The following ARID2 variants were observed in gnomAD, a reference collection of about 807,000 sequenced individuals.
ARID2 encodes AT-rich interactive domain-containing protein 2.
ARID2 carries 32 observed loss-of-function variants against 184.6 expected under a neutral mutation model. The ratio of observed to expected loss-of-function variants is 0.17; its 90% confidence interval spans 0.13 to 0.23. The LOEUF (loss-of-function observed/expected upper bound fraction) is 0.23. Ranked by LOEUF, ARID2 falls within the 10% of genes least tolerant of loss-of-function variation. ARID2 has a pLI of 1.00. For missense variants in ARID2, 1,696 were observed against 2,197.6 expected (o/e 0.77, Z 4.56); for synonymous variants, 836 against 772.6 (o/e 1.08, Z -1.36).
chr12:45,749,895 G>A (rs1941427353), intron 3 of ARID2, among the ~76,000 whole-genome samples: 1 of 152,176 alleles, frequency 6.6e-6, no homozygotes. Flanking sequence ...TTAAAGGAAT[G>A]TCTGGCTGGT....
At chr12:45,844,875 T>C (rs1943413833) in intron 11 of ARID2, among the ~76,000 whole-genome samples, 1 of 152,166 alleles carries the variant, frequency 6.6e-6, no homozygotes, top group African/African-American at 2.4e-5. Flanking sequence ...CTATCAAAGA[T>C]GGGTGAGAAT....
intron 6 of ARID2, among the ~76,000 whole-genome samples, chr12:45,826,976 C>G (rs888776232): frequency 2.0e-5 from 3 of 151,910 alleles, no homozygotes; most frequent in Non-Finnish European, 4.4e-5. Context: ...ATGGCTACTT[C>G]ATTCATATTA....
chr12:45,887,548 C>A (rs555344843), intron 16 of ARID2, among the ~76,000 whole-genome samples: 46 of 152,228 alleles, frequency 3.0e-4, no homozygotes, highest in African/African-American at 1.0e-3. Context: ...TAGGAAAAAA[C>A]CGGGTTCTTT....
rs1311644656 is a variant in ARID2, at chr12:45,851,077, C to G, written c.2954C>G (p.Pro985Arg). 1.2e-6 allele frequency: 2 copies of G among 1,614,054 alleles called. No homozygotes were observed. Among genetic ancestry groups the G allele is most frequent in the South Asian group, 2.2e-5 (2 of 91,084 alleles). The change falls in exon 15 of 21, where the codon CCT (proline) becomes CGT (arginine). Residue 985 changes from proline to arginine, a missense_variant. Transcript: ENST00000334344. The part of the protein sequence containing the change: ...SPVPATNNQV[P>R]TAMSSSSTPQ... ...GTCCCAGCTACTAATAACCAAGTCC[C>G]TACTGCCATGTCGTCGTCCTCTACC...
chr12:45,741,222 A>G (rs1051433181), intron 3 of ARID2, among the ~76,000 whole-genome samples: 9 of 151,974 alleles, frequency 5.9e-5, no homozygotes, highest in African/African-American at 1.9e-4. Context: ...ACTGGGTCTC[A>G]CTCTGTCTCA....
intron 16 of ARID2, among the ~76,000 whole-genome samples, chr12:45,876,426 T>C (rs764839942): frequency 1.3e-5 from 2 of 152,034 alleles, no homozygotes; most frequent in Non-Finnish European, 2.9e-5. Flanking sequence ...GGCACATGCC[T>C]GTAATCCCAG....
chr12:45,831,310 G>A (rs370446046), intron 6 of ARID2, among the ~76,000 whole-genome samples: 11 of 152,028 alleles, frequency 7.2e-5, no homozygotes, highest in African/African-American at 2.4e-4. Context: ...AATTTGATAT[G>A]TCATGCGTTC....
intron 16 of ARID2, among the ~76,000 whole-genome samples, chr12:45,865,441 A>G (rs1943816761): frequency 6.6e-6 from 1 of 151,956 alleles, no homozygotes. Flanking sequence ...CATTTGTAAA[A>G]GAAAACAAAG....
At chr12:45,743,221 T>C (rs1266507876) in intron 3 of ARID2, among the ~76,000 whole-genome samples, 1 of 151,738 alleles carries the variant, frequency 6.6e-6, no homozygotes, top group African/African-American at 2.4e-5. Context: ...ATACAAAAAT[T>C]AGCCAGGTGC....
Position 45,906,929 on chromosome 12 carries a change from C to T in ARID2, c.*1851C>T, listed in dbSNP as rs1351064342. 1 of 231,572 alleles carries T rather than the reference C, an allele frequency of 4.3e-6. No homozygotes were observed. The highest frequency in any genetic ancestry group is 2.2e-5 in the African/African-American group (1 of 45,204). 14.3% of individuals were successfully genotyped at this position (231,572 alleles called of 1,614,324 possible). A position where few individuals can be genotyped will look rare whatever the true frequency, so the allele number is the denominator to read the frequency against. On this transcript the variant is annotated 3_prime_UTR_variant, in exon 21 of 21. Transcript: ENST00000334344. ...CAAATCTTCAGCTTGAATTTGGAGG[C>T]AGATTCTTAGAGTGAAAAAGCCTCA...
intron 16 of ARID2, among the ~76,000 whole-genome samples, chr12:45,883,013 C>T (rs1944129667): frequency 6.6e-6 from 1 of 152,098 alleles, no homozygotes; most frequent in Non-Finnish European, 1.5e-5. Flanking sequence ...CGTCATCTTG[C>T]TGTTTCTAGG....
At chr12:45,884,682 A>C (rs980440692) in intron 16 of ARID2, among the ~76,000 whole-genome samples, 3 of 152,192 alleles carry the variant, frequency 2.0e-5, no homozygotes, top group African/African-American at 7.2e-5. Context: ...ATTAGGAGGA[A>C]AGGAAAGGAG....
chr12:45,904,653 T>C (rs192518881), intron 20 of ARID2, among the ~76,000 whole-genome samples: 1 of 129,702 alleles, frequency 7.7e-6, no homozygotes, highest in Non-Finnish European at 1.5e-5. Flanking sequence ...ATTGCGCCAT[T>C]ACACTCCAGC....
intron 20 of ARID2, among the ~76,000 whole-genome samples, chr12:45,901,132 CTATTTTTT>C (rs1944451322): frequency 2.1e-5 from 2 of 97,068 alleles, no homozygotes; most frequent in Non-Finnish European, 4.3e-5. Context: ...TCTGTTTAAT[CTATTTTTT>C]GGAAATTTCC....
chr12:45,851,970 A>G lies in ARID2; in HGVS notation c.3847A>G (p.Thr1283Ala), dbSNP rs1943559998. 1.9e-6 allele frequency: 3 copies of G among 1,613,930 alleles called. No individual in the cohort carries two copies. The highest frequency in any genetic ancestry group is 1.3e-5 in the African/African-American group (1 of 74,952). ...RGATNTSNGD[T>A]KENEMHVGSL... is the part of the protein sequence containing the mutation. The stretch of plus-strand genomic sequence containing the variant: ...AGCCACAAACACCAGCAATGGGGAT[A>G]CAAAGGAAAATGAAATGCATGTGGG... The change falls in exon 15 of 21, where the codon ACA becomes GCA. Residue 1283 changes from threonine (T) to alanine (A), a missense_variant. Thr to Ala is a moderately conservative substitution (Grantham distance 58). Coordinates refer to ENST00000334344, the MANE Select transcript of ARID2 (RefSeq NM_152641.4).
At chr12:45,804,290 G>A (rs896499524) in intron 3 of ARID2, among the ~76,000 whole-genome samples, 3 of 151,900 alleles carry the variant, frequency 2.0e-5, no homozygotes, top group Non-Finnish European at 4.4e-5. Flanking sequence ...CAAAGCATGC[G>A]GCTTCATTTT....
intron 3 of ARID2, among the ~76,000 whole-genome samples, chr12:45,744,145 A>AG (rs1336497995): frequency 6.6e-6 from 1 of 152,214 alleles, no homozygotes; most frequent in Non-Finnish European, 1.5e-5. Context: ...GTTAATTAGT[A>AG]GGGAAAATGG....
At chr12:45,753,700 C>G (rs1941511553) in intron 3 of ARID2, among the ~76,000 whole-genome samples, 1 of 152,024 alleles carries the variant, frequency 6.6e-6, no homozygotes. Context: ...GTCAAGCGAT[C>G]CTCCCACCTC....
At position 45,839,484 on chromosome 12, in the gene ARID2, G is replaced by A. The variant is rs1178169227; in HGVS notation, c.1486G>A (p.Ala496Thr). The A allele has an allele frequency of 1.2e-6, 2 of 1,612,044 alleles. No individual in the cohort carries two copies. The highest frequency in any genetic ancestry group is 2.2e-5 in the South Asian group (2 of 90,628). The change falls in exon 11 of 21, where the codon GCA (alanine) becomes ACA (threonine). Residue 496 changes from alanine to threonine, a missense_variant. Physicochemically the swap from Ala to Thr is moderately conservative, Grantham distance 58 (BLOSUM62 0). This residue lies in a region of ARID2 where 713 missense variants were observed against 824.4 expected (regional missense o/e 0.86). Coordinates refer to ENST00000334344, the MANE Select transcript of ARID2 (RefSeq NM_152641.4). The part of the protein sequence containing the change: ...IEQVQTQTHV[A>T]SAPASRAVVA... ...GCAAGTCCAAACCCAGACTCATGTA[G>A]CATCTGCCCCAGGTTAGTGTTTTCA...
Sources: allele counts gnomAD v4.1 joint callset (sites outside exome capture counted in the v4.1 genomes callset), GRCh38; gene constraint gnomAD v4.1.1; regional missense constraint gnomAD v4.1.1; transcripts MANE v1.5; gene names NCBI Gene and HGNC (gene_info 2026-07-23, HGNC 2026-07-21).